The following RELN variants were observed in gnomAD, a reference collection of about 807,000 sequenced individuals.
RELN encodes the protein reelin.
A neutral mutation model predicts 427.6 loss-of-function variants in RELN; 108 were observed. The observed-to-expected ratio is 0.25, with a 90% CI of 0.22 to 0.30. The LOEUF is 0.30. Among genes scored for constraint, RELN ranks in the 10% least tolerant of loss-of-function variants. RELN has a pLI of 1.00. For missense variants in RELN, 3,715 were observed against 4,302.8 expected (o/e 0.86, Z 3.82); for synonymous variants, 1,524 against 1,513.4 (o/e 1.01, Z -0.16).
chr7:103,564,410 TCAG>T (rs1188798778), intron 34 of RELN, among the ~76,000 whole-genome samples: 1 of 152,058 alleles, frequency 6.6e-6, no homozygotes, highest in African/African-American at 2.4e-5. Flanking sequence ...TTTAGCAAAG[TCAG>T]GAAGCCACTT....
At chr7:103,736,273 T>C (rs745548810) in intron 6 of RELN, among the ~76,000 whole-genome samples, 23 of 152,220 alleles carry the variant, frequency 1.5e-4, no homozygotes, top group Non-Finnish European at 2.8e-4. Flanking sequence ...AAAGAGGGCA[T>C]GACCATTACA....
intron 60 of RELN, among the ~76,000 whole-genome samples, chr7:103,489,215 T>TGTGTGTGTGTGA (rs1554362029): frequency 6.6e-6 from 1 of 151,446 alleles, no homozygotes; most frequent in South Asian, 2.1e-4. Flanking sequence ...TGTGTGTGTG[T>TGTGTGTGTGTGA]GTGTGTGTGT....
intron 42 of RELN, 51 bp downstream of exon 42, chr7:103,545,073 A>T (rs1230249954): frequency 2.1e-6 from 3 of 1,409,272 alleles, no homozygotes; most frequent in Admixed American, 3.4e-5. Context: ...AATTGTGTTT[A>T]ACATATAAGT....
At position 103,892,162 on chromosome 7, in the gene RELN, T is replaced by A. The variant is rs572255443; in HGVS notation, c.337+24913A>T. On this transcript the variant is annotated intron_variant, in intron 2 of 64. Transcript: ENST00000428762. ...TAAGAAGAAGTCACACCTTCTTTTCTCTGCTTTCCTTCTTTAATCAGTTGG... is the reference window on the plus strand; with the variant it reads ...TAAGAAGAAGTCACACCTTCTTTTCACTGCTTTCCTTCTTTAATCAGTTGG... Among the ~76,000 whole-genome samples, 6 of 152,344 alleles carry A rather than the reference T, an allele frequency of 3.9e-5. No homozygotes were observed. The South Asian group carries it at 8.3e-4, about 21-fold the overall frequency.
At chr7:103,742,854 G>C (rs1212755366) in intron 6 of RELN, among the ~76,000 whole-genome samples, 2 of 152,172 alleles carry the variant, frequency 1.3e-5, no homozygotes. Context: ...TATTATCCAG[G>C]AGAACTTCCC....
chr7:103,935,278 T>G (rs1795956542), intron 1 of RELN, among the ~76,000 whole-genome samples: 2 of 152,202 alleles, frequency 1.3e-5, no homozygotes, highest in Admixed American at 6.5e-5. Flanking sequence ...AAAGTAAGCT[T>G]CCATCTCAAA....
At chr7:103,929,111 T>G (rs1381976179) in intron 1 of RELN, among the ~76,000 whole-genome samples, 2 of 152,192 alleles carry the variant, frequency 1.3e-5, no homozygotes, top group Non-Finnish European at 2.9e-5. Flanking sequence ...GTCATCAGAA[T>G]TTCTTGAATT....
At chr7:103,843,472 C>T (rs76301420) in intron 2 of RELN, among the ~76,000 whole-genome samples, 1 of 152,214 alleles carries the variant, frequency 6.6e-6, no homozygotes, top group East Asian at 1.9e-4. Context: ...CCCCACATCC[C>T]TAAATAGTAG....
intron 3 of RELN, among the ~76,000 whole-genome samples, chr7:103,807,494 T>C (rs1417862054): frequency 1.3e-5 from 2 of 152,202 alleles, no homozygotes; most frequent in Non-Finnish European, 2.9e-5. Flanking sequence ...AGGGTATACA[T>C]GTGCAGGTTT....
chr7:103,701,064 T>C lies in RELN; in HGVS notation c.806-58A>G, dbSNP rs1179470500. The C allele has an allele frequency of 9.3e-5, 88 of 945,500 alleles. 1 individual carries two copies. The East Asian group carries it at 2.1e-3, about 23-fold the overall frequency. 58.6% of individuals were successfully genotyped at this position (945,500 alleles called of 1,614,324 possible). ...TAAAAAATGGTGCAAATACATATTA[T>C]CTTTTCTGATAAATATTTTAGATAA... On this transcript the variant is annotated intron_variant, in intron 8 of 64. Coordinates refer to ENST00000428762, the MANE Select transcript of RELN (RefSeq NM_005045.4).
At chr7:103,964,768 T>A (rs1196387320) in intron 1 of RELN, among the ~76,000 whole-genome samples, 1 of 152,234 alleles carries the variant, frequency 6.6e-6, no homozygotes, top group Admixed American at 6.5e-5. Context: ...ATACTTTAGT[T>A]CATTAAGTCC....
chr7:103,509,710 T>C (rs2711850), intron 51 of RELN, among the ~76,000 whole-genome samples: 15,003 of 150,716 alleles, frequency 0.1, 1,088 homozygotes, highest in African/African-American at 0.2. Flanking sequence ...TTAGAGTGAA[T>C]AGGCAACAGA....
At chr7:103,629,006 G>A (rs551986271) in intron 20 of RELN, among the ~76,000 whole-genome samples, 12 of 152,060 alleles carry the variant, frequency 7.9e-5, no homozygotes, top group Non-Finnish European at 1.8e-4. Flanking sequence ...CCTTGAATAC[G>A]CCATGGTCAC....
intron 20 of RELN, among the ~76,000 whole-genome samples, chr7:103,616,409 T>C (rs546278352): frequency 6.6e-6 from 1 of 152,138 alleles, no homozygotes; most frequent in Non-Finnish European, 1.5e-5. Context: ...GAAAAACTTG[T>C]TGATGTTGTG....
chr7:103,788,740 A>G (rs1792084649), intron 3 of RELN, among the ~76,000 whole-genome samples: 1 of 152,232 alleles, frequency 6.6e-6, no homozygotes, highest in Non-Finnish European at 1.5e-5. Context: ...AAGAATCAAT[A>G]TCGTGAAAAT....
intron 2 of RELN, among the ~76,000 whole-genome samples, chr7:103,867,429 A>G (rs1259299167): frequency 6.6e-6 from 1 of 152,042 alleles, no homozygotes; most frequent in African/African-American, 2.4e-5. Context: ...ATGAAGTCAT[A>G]GAAGACTCGT....
At chr7:103,870,079 T>C (rs1794293670) in intron 2 of RELN, among the ~76,000 whole-genome samples, 1 of 152,110 alleles carries the variant, frequency 6.6e-6, no homozygotes, top group African/African-American at 2.4e-5. Flanking sequence ...GAATTTCGGT[T>C]TGGTTTTTTT....
At chr7:103,920,504 G>A (rs1225058397) in intron 1 of RELN, among the ~76,000 whole-genome samples, 1 of 150,132 alleles carries the variant, frequency 6.7e-6, no homozygotes, top group Non-Finnish European at 1.5e-5. Context: ...AGCATATTAT[G>A]TACTATGAAC....
intron 1 of RELN, among the ~76,000 whole-genome samples, chr7:103,972,051 C>T (rs545438677): frequency 6.6e-5 from 10 of 151,824 alleles, no homozygotes; most frequent in Admixed American, 2.6e-4. Context: ...CCAGCCTGGG[C>T]GACAGAGCGA....
Sources: gnomAD v4.1 joint callset for allele counts (sites outside exome capture counted in the v4.1 genomes callset) on GRCh38, gnomAD v4.1.1 for gene constraint, MANE v1.5 for transcripts, NCBI Gene and HGNC (gene_info 2026-07-23, HGNC 2026-07-21) for gene names.